Variants in MAGI1 observed in about 807,000 individuals in gnomAD.
The protein encoded by MAGI1 is membrane-associated guanylate kinase, WW and PDZ domain-containing protein 1.
In MAGI1, 58 loss-of-function variants were observed where a neutral mutation model predicts 139.9. That is an observed-to-expected ratio of 0.41 (90% CI 0.34 to 0.52). MAGI1 has a LOEUF of 0.52. Among genes scored for constraint, MAGI1 ranks in the 20% least tolerant of loss-of-function variants. MAGI1 has a pLI of 0.12. For missense variants in MAGI1, 1,874 were observed against 1,901.6 expected, an observed-to-expected ratio of 0.99 and a Z score of 0.27; for synonymous variants, 812 against 737.9, an observed-to-expected ratio of 1.10 and a Z score of -1.63.
chr3:65,951,383 C>T (rs1314658567), intron 1 of MAGI1, among the ~76,000 whole-genome samples: 4 of 152,180 alleles, frequency 2.6e-5, no homozygotes, highest in African/African-American at 4.8e-5. Flanking sequence ...TTTGGAACCA[C>T]CTGAATCTAC....
intron 2 of MAGI1, among the ~76,000 whole-genome samples, chr3:65,613,558 T>A (rs949277523): frequency 6.6e-6 from 1 of 152,138 alleles, no homozygotes; most frequent in Non-Finnish European, 1.5e-5. Flanking sequence ...AGCTTTTACG[T>A]TTGTAATTTT....
At chr3:65,960,958 C>G (rs928417161) in intron 1 of MAGI1, among the ~76,000 whole-genome samples, 6 of 152,352 alleles carry the variant, frequency 3.9e-5, no homozygotes, top group African/African-American at 1.2e-4. Flanking sequence ...ATAAGTTCAT[C>G]TGTCTTTTCT....
intron 1 of MAGI1, among the ~76,000 whole-genome samples, chr3:65,832,093 T>G (rs1425821549): frequency 1.3e-5 from 2 of 152,208 alleles, no homozygotes; most frequent in African/African-American, 2.4e-5. Flanking sequence ...CAGCCCTCTT[T>G]TTCAGAGCAC....
At chr3:65,797,493 C>A (rs1463573587) in intron 1 of MAGI1, among the ~76,000 whole-genome samples, 2 of 152,144 alleles carry the variant, frequency 1.3e-5, no homozygotes. Context: ...GCAGTCGAGC[C>A]ATGCAGACGG....
At chr3:65,898,278 A>G (rs745357282) in intron 1 of MAGI1, among the ~76,000 whole-genome samples, 8 of 152,190 alleles carry the variant, frequency 5.3e-5, no homozygotes, top group Admixed American at 6.5e-5. Context: ...ATCCCAAATA[A>G]TGGTCCACTG....
At chr3:65,381,849 T>C (rs1204117929) in intron 16 of MAGI1, 28 bp downstream of exon 16, 4 of 1,567,384 alleles carry the variant, frequency 2.6e-6, no homozygotes, top group Non-Finnish European at 2.6e-6. Flanking sequence ...GACAACGCAC[T>C]GTCTGAAGGA....
intron 2 of MAGI1, among the ~76,000 whole-genome samples, chr3:65,564,414 T>C (rs1308226815): frequency 2.0e-5 from 3 of 152,188 alleles, no homozygotes; most frequent in African/African-American, 4.8e-5. Context: ...ATTTTTCTTG[T>C]TTGCTGAATA....
chr3:65,802,374 C>T (rs1385293332), intron 1 of MAGI1, among the ~76,000 whole-genome samples: 1 of 152,174 alleles, frequency 6.6e-6, no homozygotes, highest in Non-Finnish European at 1.5e-5. Flanking sequence ...ATGGAGGCAA[C>T]TCTCCATTCC....
intron 1 of MAGI1, among the ~76,000 whole-genome samples, chr3:65,837,200 A>G (rs938645136): frequency 2.0e-5 from 3 of 152,216 alleles, no homozygotes; most frequent in African/African-American, 7.2e-5. Context: ...CAGGTAAAAT[A>G]TGGGAATCAC....
chr3:65,800,710 T>C (rs931417960), intron 1 of MAGI1, among the ~76,000 whole-genome samples: 2 of 152,148 alleles, frequency 1.3e-5, no homozygotes, highest in Admixed American at 1.3e-4. Context: ...AAACTAAAAC[T>C]AAAAATAAAA....
chr3:65,822,467 G>A (rs533073673), intron 1 of MAGI1, among the ~76,000 whole-genome samples: 5 of 152,212 alleles, frequency 3.3e-5, no homozygotes, highest in South Asian at 2.1e-4. Flanking sequence ...GGCGGAGGTC[G>A]CAGTGAGTTG....
intron 1 of MAGI1, among the ~76,000 whole-genome samples, chr3:65,969,671 C>T (rs2107170431): frequency 6.6e-6 from 1 of 152,280 alleles, no homozygotes; most frequent in South Asian, 2.1e-4. Flanking sequence ...ATAGGGCTTT[C>T]CCTAAACCCT....
chr3:65,702,148 C>T (rs11719716), intron 1 of MAGI1, among the ~76,000 whole-genome samples: 24,422 of 152,018 alleles, frequency 0.16, 2,232 homozygotes, highest in African/African-American at 0.25. Flanking sequence ...AGCGAGCCCA[C>T]TGGTCCCCCA....
At chr3:65,945,213 G>A (rs1260251893) in intron 1 of MAGI1, among the ~76,000 whole-genome samples, 2 of 152,074 alleles carry the variant, frequency 1.3e-5, no homozygotes, top group African/African-American at 2.4e-5. Context: ...TGGTTTTTTT[G>A]TTGTTGTTTT....
At chr3:65,932,650 A>ACT (rs2062858336) in intron 1 of MAGI1, among the ~76,000 whole-genome samples, 1 of 151,954 alleles carries the variant, frequency 6.6e-6, no homozygotes, top group Non-Finnish European at 1.5e-5. Flanking sequence ...AACCACAGAA[A>ACT]CTCTCTGTGA....
At chr3:65,870,244 T>A (rs899925672) in intron 1 of MAGI1, among the ~76,000 whole-genome samples, 19 of 152,088 alleles carry the variant, frequency 1.2e-4, no homozygotes, top group Non-Finnish European at 4.4e-5. Context: ...TTTTTTTTTT[T>A]AATTCCCAGG....
intron 5 of MAGI1, among the ~76,000 whole-genome samples, chr3:65,459,652 G>T (rs930737374): frequency 6.6e-6 from 1 of 152,110 alleles, no homozygotes; most frequent in Non-Finnish European, 1.5e-5. Context: ...GCATGATGTT[G>T]AATAACCACG....
chr3:65,806,459 T>C (rs1280114925), intron 1 of MAGI1, among the ~76,000 whole-genome samples: 1 of 152,124 alleles, frequency 6.6e-6, no homozygotes, highest in African/African-American at 2.4e-5. Context: ...CTGTTTGAAC[T>C]GTGTTTTAAT....
intron 1 of MAGI1, among the ~76,000 whole-genome samples, chr3:65,698,816 G>C (rs1243156824): frequency 7.0e-6 from 1 of 142,984 alleles, no homozygotes; most frequent in South Asian, 2.2e-4. Context: ...ATAGGCGTGG[G>C]CAAGGACTTC....
Sources: allele counts gnomAD v4.1 joint callset (sites outside exome capture counted in the v4.1 genomes callset), GRCh38; gene constraint gnomAD v4.1.1; transcripts MANE v1.5; gene names NCBI Gene and HGNC (gene_info 2026-07-23, HGNC 2026-07-21).